The following HMCN1 variants were observed in gnomAD, a reference collection of about 807,000 sequenced individuals.
HMCN1 encodes hemicentin-1.
Under a neutral mutation model 625.9 loss-of-function variants are expected in HMCN1, and 321 were observed. The ratio of observed to expected loss-of-function variants is 0.51; its 90% CI spans 0.47 to 0.56. The LOEUF (loss-of-function observed/expected upper bound fraction) is 0.56. Among genes scored for constraint, HMCN1 ranks in the 20% least tolerant of loss-of-function variants. HMCN1 has a pLI of 0.00. For synonymous variants in HMCN1, 2,425 were observed against 2,417.6 expected, an observed-to-expected ratio of 1.00 and a Z score of -0.09; for missense variants, 6,588 against 6,887.3, an observed-to-expected ratio of 0.96 and a Z score of 1.54.
At chr1:185,931,523 T>C (rs1201121334) in intron 10 of HMCN1, among the ~76,000 whole-genome samples, 8 of 152,148 alleles carry the variant, frequency 5.3e-5, no homozygotes. Context: ...TCATGTATGT[T>C]AGTAGAAAGT....
At chr1:186,031,511 C>T (rs1295834746) in intron 36 of HMCN1, among the ~76,000 whole-genome samples, 1 of 151,830 alleles carries the variant, frequency 6.6e-6, no homozygotes, top group Non-Finnish European at 1.5e-5. Context: ...GTTTATCTAA[C>T]TTAGAATTTT....
At chr1:186,022,791 C>G (rs141462947) in intron 35 of HMCN1, among the ~76,000 whole-genome samples, 1 of 151,572 alleles carries the variant, frequency 6.6e-6, no homozygotes, top group African/African-American at 2.4e-5. Flanking sequence ...AGTAAGCTGG[C>G]CTTATGTTAT....
chr1:186,182,284 C>T lies in HMCN1; in HGVS notation c.16411C>T (p.Gln5471Ter), dbSNP rs1156878585. Residue 5471 changes from glutamine to a stop codon, truncating the protein, a stop_gained, in exon 105 of 107, where the codon CAA becomes TAA. Transcript: ENST00000271588. LOFTEE classifies it high-confidence loss of function. ...YQLTHNGKTC[Q>*]DIDECLEQNV... ...ACTCACACACAATGGAAAGACATGC[C>T]AAGGTGAGAAAACATTGGGATGTTT... The T allele has an allele frequency of 6.2e-7, 1 of 1,613,236 alleles. No individual in the cohort carries two copies. Among genetic ancestry groups the T allele is most frequent in the Non-Finnish European group, 8.5e-7 (1 of 1,179,374 alleles).
At chr1:185,821,088 A>C (rs1465115907) in intron 1 of HMCN1, among the ~76,000 whole-genome samples, 2 of 152,024 alleles carry the variant, frequency 1.3e-5, no homozygotes, top group East Asian at 3.9e-4. Context: ...AGGATGTACT[A>C]TTGCTGTAAT....
Position 186,024,067 on chromosome 1 carries a change from A to G in HMCN1, c.5749+914A>G, listed in dbSNP as rs1287145718. 1.3e-5 allele frequency among the ~76,000 whole-genome samples: 2 copies of G among 152,210 alleles called. 1 individual carries two copies. Among genetic ancestry groups the G allele is most frequent in the African/African-American group, 4.8e-5 (2 of 41,452 alleles). On this transcript the variant is annotated intron_variant, in intron 36 of 106. Coordinates refer to ENST00000271588, the MANE Select transcript of HMCN1 (RefSeq NM_031935.3). ...AATCATCAGTTTCCTAAATGTTTCC[A>G]ATATATCAATTTATTCTTTTCCCAG...
At chr1:186,137,748 T>C in intron 88 of HMCN1, 54 bp from the exon 89 acceptor site, 1 of 1,613,932 alleles carries the variant, frequency 6.2e-7, no homozygotes, top group Non-Finnish European at 8.5e-7. Context: ...TGCCCCAGTG[T>C]AAGTATTCCC....
chr1:186,124,383 G>A (rs1463905818), intron 81 of HMCN1, among the ~76,000 whole-genome samples: 1 of 151,934 alleles, frequency 6.6e-6, no homozygotes, highest in East Asian at 1.9e-4. Flanking sequence ...TCAATATAAA[G>A]TCATAGCAAT....
intron 1 of HMCN1, among the ~76,000 whole-genome samples, chr1:185,819,160 TAA>T (rs1196663851): frequency 6.7e-6 from 1 of 149,258 alleles, no homozygotes; most frequent in African/African-American, 2.5e-5. Context: ...TCACTTGAAA[TAA>T]GAAGGCAGAG....
chr1:185,988,950 G>A (rs1377021543), intron 20 of HMCN1, among the ~76,000 whole-genome samples: 1 of 150,900 alleles, frequency 6.6e-6, no homozygotes, highest in African/African-American at 2.4e-5. Flanking sequence ...GCCTTCTTAA[G>A]TAGCTCTGGA....
Position 185,847,510 on chromosome 1 carries a change from C to G in HMCN1, c.339+1414C>G, listed in dbSNP as rs560990544. 2.6e-5 allele frequency among the ~76,000 whole-genome samples: 4 copies of G among 152,338 alleles called. No individual in the cohort carries two copies. The South Asian group carries it at 8.3e-4, about 32-fold the overall frequency. On this transcript the variant is annotated intron_variant, in intron 2 of 106. Transcript: ENST00000271588. ...GTGACCTCATTTTCACACACAGTCA[C>G]AAACAAATGAAGCCCTCTGCTTCCT... is the stretch of plus-strand genomic sequence containing the variant.
intron 20 of HMCN1, 35 bp downstream of exon 20, chr1:185,987,579 C>A: frequency 7.0e-7 from 1 of 1,421,014 alleles, no homozygotes; most frequent in Non-Finnish European, 1.0e-6. Context: ...TCCTGAAGAG[C>A]AGAGTGTGAA....
At chr1:185,783,610 C>G (rs1265695775) in intron 1 of HMCN1, among the ~76,000 whole-genome samples, 1 of 152,216 alleles carries the variant, frequency 6.6e-6, no homozygotes, top group African/African-American at 2.4e-5. Context: ...TGGAGGTCCA[C>G]TCCAGACCCT....
intron 25 of HMCN1, among the ~76,000 whole-genome samples, chr1:185,999,001 G>A (rs1450057277): frequency 2.6e-5 from 4 of 151,954 alleles, no homozygotes; most frequent in South Asian, 2.1e-4. Flanking sequence ...ATTATACTAT[G>A]AGCACAATTA....
At chr1:186,108,158 C>T (rs990596127) in intron 70 of HMCN1, among the ~76,000 whole-genome samples, 1 of 151,550 alleles carries the variant, frequency 6.6e-6, no homozygotes, top group Admixed American at 6.6e-5. Context: ...AAGTGTATAA[C>T]CCGGACAACG....
chr1:185,943,608 C>T (rs1030955320), intron 11 of HMCN1, among the ~76,000 whole-genome samples: 1 of 152,208 alleles, frequency 6.6e-6, no homozygotes. Context: ...TTCATGCCCT[C>T]TTCAGCCATT....
At position 186,038,852 on chromosome 1, in the gene HMCN1, C is replaced by T. The variant is rs149920975; in HGVS notation, c.5875C>T (p.Arg1959Cys). The T allele has an allele frequency of 2.3e-5, 37 of 1,602,674 alleles. No homozygotes were observed. Among genetic ancestry groups the T allele is most frequent in the East Asian group, 8.9e-5 (4 of 44,780 alleles). Residue 1959 changes from arginine to cysteine, a missense_variant, in exon 38 of 107, where the codon CGT (arginine) becomes TGT (cysteine). Coordinates refer to ENST00000271588, the MANE Select transcript of HMCN1 (RefSeq NM_031935.3). The stretch of plus-strand genomic sequence containing the variant: ...AGTTATTACATGGTACAAAGATAAT[C>T]GTCTACTCTCAGGTTCCACCAGCAT... ...VPVITWYKDN[R>C]LLSGSTSMTF...
rs142480286 is a variant in HMCN1 at position 186,137,536 on chromosome 1, T to C, written c.13621T>C (p.Cys4541Arg). 8.7e-6 allele frequency: 14 copies of C among 1,613,784 alleles called. No individual in the cohort carries two copies. Among genetic ancestry groups the C allele is most frequent in the Non-Finnish European group, 1.2e-5 (14 of 1,179,880 alleles). ...GFSQWSAWRA[C>R]SVTCGKGIQK... ...TTCCCAGTGGTCTGCATGGAGAGCC[T>C]GCAGTGTCACCTGTGGAAAAGGCAT... Residue 4541 changes from cysteine (C) to arginine (R), a missense_variant, in exon 88 of 107, where the codon TGC (cysteine) becomes CGC (arginine). This residue lies in a region of HMCN1 where 1,954 missense variants were observed against 2,013.1 expected (regional missense o/e 0.97). Coordinates refer to ENST00000271588, the MANE Select transcript of HMCN1 (RefSeq NM_031935.3).
intron 1 of HMCN1, among the ~76,000 whole-genome samples, chr1:185,833,728 T>G (rs911108150): frequency 2.0e-5 from 3 of 152,156 alleles, no homozygotes; most frequent in African/African-American, 7.2e-5. Flanking sequence ...TTTTTAGGAT[T>G]AAGTACCATA....
intron 68 of HMCN1, among the ~76,000 whole-genome samples, chr1:186,095,852 G>C (rs954566560): frequency 1.6e-4 from 25 of 152,062 alleles, no homozygotes; most frequent in Admixed American, 7.9e-4. Context: ...TGATGAAAAA[G>C]CATAATAGGT....
Sources: allele counts gnomAD v4.1 joint callset (sites outside exome capture counted in the v4.1 genomes callset), GRCh38; gene constraint gnomAD v4.1.1; regional missense constraint gnomAD v4.1.1; transcripts MANE v1.5; gene names NCBI Gene and HGNC (gene_info 2026-07-23, HGNC 2026-07-21).